ADGRL2: variants seen among roughly 807,000 people sequenced by gnomAD.
ADGRL2 encodes the protein adhesion G protein-coupled receptor L2, also known as calcium-independent alpha-latrotoxin receptor 2.
ADGRL2 carries 44 observed loss-of-function variants against 157.4 expected under a neutral mutation model. The ratio of observed to expected loss-of-function variants is 0.28; its 90% CI spans 0.22 to 0.36. The LOEUF (loss-of-function observed/expected upper bound fraction) is 0.36. Ranked by LOEUF, ADGRL2 falls within the 10% of genes least tolerant of loss-of-function variation. ADGRL2 has a pLI of 1.00. For synonymous variants in ADGRL2, 585 were observed against 624.7 expected (o/e 0.94, Z 0.95); for missense variants, 1,510 against 1,768.9 (o/e 0.85, Z 2.63).
At position 81,442,072 on chromosome 1, in the gene ADGRL2, A is replaced by C. The variant is rs115687710; in HGVS notation, c.-301-2964A>C. Among the ~76,000 whole-genome samples, 1,358 of 152,184 alleles carry C rather than the reference A, an allele frequency of 8.9e-3. 8 individuals carry two copies. The highest frequency in any genetic ancestry group is 0.02 in the Middle Eastern group (6 of 294). ...TAGTCTCTGACTCCTGGGCTCAAGC[A>C]ATCCTCCCTCCTCAACTTCCCAAAG... On this transcript the variant is annotated intron_variant, in intron 1 of 24. Coordinates refer to the ADGRL2 transcript ENST00000370721.
chr1:81,682,103 A>ATATGTGTGTGTGTGTGTGTG (rs141980830), intron 3 of ADGRL2, among the ~76,000 whole-genome samples: 3 of 147,928 alleles, frequency 2.0e-5, no homozygotes, highest in African/African-American at 7.5e-5. Flanking sequence ...ATACATATAT[A>ATATGTGTGTGTGTGTGTGTG]TGTGTGTGTG....
chr1:81,350,672 A>G (rs1276446033), intron 1 of ADGRL2, among the ~76,000 whole-genome samples: 1 of 152,188 alleles, frequency 6.6e-6, no homozygotes, highest in Non-Finnish European at 1.5e-5. Flanking sequence ...GCAAAATTTA[A>G]TGACAATAAA....
chr1:81,533,487 C>T (rs2079655798), intron 2 of ADGRL2, among the ~76,000 whole-genome samples: 1 of 152,188 alleles, frequency 6.6e-6, no homozygotes, highest in Non-Finnish European at 1.5e-5. Flanking sequence ...TTCCACTTTA[C>T]CTACTCACAT....
At chr1:81,347,227 T>C (rs1389988762) in intron 1 of ADGRL2, among the ~76,000 whole-genome samples, 2 of 151,984 alleles carry the variant, frequency 1.3e-5, no homozygotes, top group Non-Finnish European at 2.9e-5. Flanking sequence ...GGCAAAACGC[T>C]GTCTCTACTA....
intron 2 of ADGRL2, among the ~76,000 whole-genome samples, chr1:81,870,215 A>ACAAAG (rs910018625): frequency 6.5e-4 from 99 of 151,686 alleles, no homozygotes; most frequent in Non-Finnish European, 4.3e-4. Flanking sequence ...TGATTTGCAA[A>ACAAAG]CAAAACACCT....
intron 1 of ADGRL2, among the ~76,000 whole-genome samples, chr1:81,825,184 T>C (rs528623858): frequency 4.3e-4 from 65 of 152,168 alleles, no homozygotes; most frequent in African/African-American, 1.5e-3. Context: ...TTCTATGAAA[T>C]ACTAAAAATC....
intron 1 of ADGRL2, among the ~76,000 whole-genome samples, chr1:81,414,803 G>T (rs943665622): frequency 6.6e-6 from 1 of 152,198 alleles, no homozygotes; most frequent in Non-Finnish European, 1.5e-5. Context: ...CTTTAAGGAG[G>T]AGGCTTATGT....
At chr1:81,770,185 C>T (rs567034925) in intron 2 of ADGRL2, among the ~76,000 whole-genome samples, 2 of 107,744 alleles carry the variant, frequency 1.9e-5, no homozygotes, top group East Asian at 5.4e-4. Flanking sequence ...TTTTTTGAGA[C>T]CGAGTCTCAC....
intron 5 of ADGRL2, among the ~76,000 whole-genome samples, chr1:81,942,460 T>C (rs540281882): frequency 5.9e-5 from 9 of 152,040 alleles, no homozygotes; most frequent in African/African-American, 1.7e-4. Context: ...CAAATACTTA[T>C]GTTCCTCAAA....
chr1:81,827,664 C>A (rs1033019597), intron 1 of ADGRL2, among the ~76,000 whole-genome samples: 1 of 152,240 alleles, frequency 6.6e-6, no homozygotes, highest in African/African-American at 2.4e-5. Flanking sequence ...CTCCCCACTT[C>A]AAGCATTTCT....
chr1:81,705,029 T>G (rs1375373403), intron 1 of ADGRL2, among the ~76,000 whole-genome samples: 1 of 151,962 alleles, frequency 6.6e-6, no homozygotes, highest in Non-Finnish European at 1.5e-5. Flanking sequence ...AACAAAACAG[T>G]GTTGTTGTTT....
intron 2 of ADGRL2, among the ~76,000 whole-genome samples, chr1:81,846,492 G>GA (rs1185334711): frequency 2.7e-5 from 4 of 150,648 alleles, no homozygotes; most frequent in East Asian, 1.9e-4. Context: ...GAATTTCCTG[G>GA]AAAAAAAAGA....
At chr1:81,411,817 T>C (rs899805167) in intron 1 of ADGRL2, among the ~76,000 whole-genome samples, 1 of 151,266 alleles carries the variant, frequency 6.6e-6, no homozygotes, top group African/African-American at 2.4e-5. Context: ...GAGGAGGAGC[T>C]TGCAGTGAGC....
chr1:81,704,627 C>G (rs1391062264), intron 1 of ADGRL2, among the ~76,000 whole-genome samples: 3 of 152,196 alleles, frequency 2.0e-5, no homozygotes, highest in Non-Finnish European at 4.4e-5. Flanking sequence ...TTCCTCTTCC[C>G]CACCTTTCCC....
intron 1 of ADGRL2, among the ~76,000 whole-genome samples, chr1:81,387,892 A>T (rs1035563109): frequency 3.9e-5 from 6 of 152,002 alleles, no homozygotes; most frequent in Admixed American, 3.9e-4. Flanking sequence ...AGAATTCTTC[A>T]TTCTATGCTC....
chr1:81,457,718 T>A (rs544594803), intron 2 of ADGRL2, among the ~76,000 whole-genome samples: 224 of 152,310 alleles, frequency 1.5e-3, no homozygotes, highest in African/African-American at 5.1e-3. Context: ...TATAAAATGA[T>A]CCAGAAGTGA....
At chr1:81,617,967 A>G (rs573999952) in intron 3 of ADGRL2, among the ~76,000 whole-genome samples, 13 of 152,338 alleles carry the variant, frequency 8.5e-5, no homozygotes, top group Non-Finnish European at 1.6e-4. Flanking sequence ...TTAGATGGCT[A>G]TAGACCTTCC....
At chr1:81,336,087 C>T (rs960907984) in intron 1 of ADGRL2, among the ~76,000 whole-genome samples, 1 of 152,150 alleles carries the variant, frequency 6.6e-6, no homozygotes, top group African/African-American at 2.4e-5. Context: ...ATTGTGATGG[C>T]CTTCACTTAC....
At chr1:81,443,086 A>G (rs965447443) in intron 1 of ADGRL2, among the ~76,000 whole-genome samples, 1 of 152,220 alleles carries the variant, frequency 6.6e-6, no homozygotes, top group Non-Finnish European at 1.5e-5. Context: ...TCTAAAATGT[A>G]TAAATGATTA....
Sources: allele counts gnomAD v4.1 joint callset (sites outside exome capture counted in the v4.1 genomes callset), GRCh38; gene constraint gnomAD v4.1.1; transcripts MANE v1.5; gene names NCBI Gene and HGNC (gene_info 2026-07-23, HGNC 2026-07-21).